Variants in APLF observed in about 807,000 individuals in gnomAD.
The protein encoded by APLF is aprataxin and PNK-like factor.
Under a neutral mutation model 55.6 loss-of-function variants are expected in APLF, and 61 were observed. That is an observed-to-expected ratio of 1.10 (90% confidence interval 0.89 to 1.36). The LOEUF (loss-of-function observed/expected upper bound fraction) is 1.36, where lower values mean the gene tolerates loss of function less well. Among genes scored for constraint, APLF ranks in the 40% most tolerant of loss-of-function variants. APLF has a pLI of 0.00. For synonymous variants in APLF, 207 were observed against 214.8 expected, an observed-to-expected ratio of 0.96 and a Z score of 0.32; for missense variants, 611 against 602.5, an observed-to-expected ratio of 1.01 and a Z score of -0.15.
intron 1 of APLF, among the ~76,000 whole-genome samples, chr2:68,486,624 T>C (rs1676182973): frequency 6.6e-6 from 1 of 152,152 alleles, no homozygotes; most frequent in Admixed American, 6.5e-5. Flanking sequence ...TCATCTCTCT[T>C]ACATGTAAGT....
intron 3 of APLF, among the ~76,000 whole-genome samples, chr2:68,505,635 C>A (rs1391282521): frequency 1.3e-5 from 2 of 151,902 alleles, no homozygotes. Flanking sequence ...ATTACAAGTG[C>A]TATATTACAG....
At chr2:68,532,764 T>A (rs1650654542) in intron 6 of APLF, among the ~76,000 whole-genome samples, 1 of 152,208 alleles carries the variant, frequency 6.6e-6, no homozygotes, top group African/African-American at 2.4e-5. Flanking sequence ...CTTGAATTGA[T>A]TAACTTTAGT....
At chr2:68,547,062 A>T (rs995166333) in intron 8 of APLF, among the ~76,000 whole-genome samples, 1 of 151,856 alleles carries the variant, frequency 6.6e-6, no homozygotes, top group Non-Finnish European at 1.5e-5. Context: ...ACAAAAATCA[A>T]TATATAAAAC....
intron 3 of APLF, among the ~76,000 whole-genome samples, chr2:68,503,701 C>G (rs890466655): frequency 2.6e-5 from 4 of 152,040 alleles, no homozygotes; most frequent in Admixed American, 1.3e-4. Flanking sequence ...TGAGATGCAG[C>G]TAAATTAGCC....
intron 8 of APLF, among the ~76,000 whole-genome samples, chr2:68,558,774 C>A (rs1395817451): frequency 6.6e-6 from 1 of 152,138 alleles, no homozygotes; most frequent in African/African-American, 2.4e-5. Flanking sequence ...AGCTATTCTT[C>A]CTGATGCTCT....
At chr2:68,490,033 G>C (rs1676309958) in intron 1 of APLF, among the ~76,000 whole-genome samples, 157 bp from the exon 2 acceptor site, 1 of 151,756 alleles carries the variant, frequency 6.6e-6, no homozygotes, top group Admixed American at 6.6e-5. Flanking sequence ...TGTTAAATGA[G>C]GACAATCATT....
rs386390398 is a variant in APLF, at chr2:68,525,742, C to CTTTTTTTTTTT, written c.623-304_623-294dup. Among the ~76,000 whole-genome samples, 248 of 82,004 alleles carry CTTTTTTTTTTT rather than the reference C, an allele frequency of 3.0e-3. 32 individuals carry two copies. The highest frequency in any genetic ancestry group is 0.014 in the African/African-American group (229 of 16,160). The allele number at this position is 82,004 out of a possible 152,430, so 53.8% of individuals were successfully genotyped here. The stretch of plus-strand genomic sequence containing the variant: ...TTTATCCTTTTTATTTTCTTTCTTT[C>CTTTTTTTTTTT]TTTTTTTTTTTTTTTTTTTTTTTTT... On this transcript the variant is annotated intron_variant, in intron 5 of 9. Coordinates refer to ENST00000303795, the MANE Select transcript of APLF (RefSeq NM_173545.3).
rs563636608 is a variant in APLF at position 68,560,496 on chromosome 2, T to A, written c.1287-6845T>A. Among the ~76,000 whole-genome samples, 137 of 152,286 alleles carry A rather than the reference T, an allele frequency of 9.0e-4. 1 individual carries two copies. Among genetic ancestry groups the A allele is most frequent in the Non-Finnish European group, 1.4e-3 (93 of 68,004 alleles). On this transcript the variant is annotated intron_variant, in intron 8 of 9. Transcript: ENST00000303795. ...AACTTTGTCATAATGGAAAAATTTA[T>A]AAACTACTATGTTCCTTACAGTATT...
At position 68,476,182 on chromosome 2, in the gene APLF, T is replaced by G. The variant is rs572404931; in HGVS notation, c.96+8355T>G. On this transcript the variant is annotated intron_variant, in intron 1 of 9. Transcript: ENST00000303795. Reference sequence around the variant, plus strand: ...TGTGTGTATTATGCTCTTTCCCAATTTTGCAAGATTATATACTCAATGTAG... The same window carrying G: ...TGTGTGTATTATGCTCTTTCCCAATGTTGCAAGATTATATACTCAATGTAG... Among the ~76,000 whole-genome samples the G allele has an allele frequency of 3.3e-5, 5 of 152,050 alleles. No homozygotes were observed. The South Asian group carries it at 1.0e-3, about 32-fold the overall frequency.
intron 5 of APLF, among the ~76,000 whole-genome samples, chr2:68,517,454 ATATT>A (rs1187539199): frequency 4.3e-5 from 6 of 138,596 alleles, no homozygotes; most frequent in African/African-American, 1.6e-4. Flanking sequence ...TTATTACTAT[ATATT>A]AATATATCAA....
At chr2:68,554,256 G>A (rs1233695899) in intron 8 of APLF, among the ~76,000 whole-genome samples, 1 of 151,918 alleles carries the variant, frequency 6.6e-6, no homozygotes, top group Non-Finnish European at 1.5e-5. Flanking sequence ...GATTACCACA[G>A]CCCTGCTAAT....
At position 68,472,409 on chromosome 2, in the gene APLF, A is replaced by AT. The variant is rs375164993; in HGVS notation, c.96+4582_96+4583insT. Among the ~76,000 whole-genome samples, 239 of 152,346 alleles carry AT rather than the reference A, an allele frequency of 1.6e-3. 2 individuals are homozygous for AT. Among genetic ancestry groups the AT allele is most frequent in the Non-Finnish European group, 2.7e-3 (183 of 68,038 alleles). ...TTGTTATGCCTGAGTCAGACTGGAA[A>AT]GTAAGTCACGTTATACAGGGTTAAA... On this transcript the variant is annotated intron_variant, in intron 1 of 9. Coordinates refer to ENST00000303795, the MANE Select transcript of APLF (RefSeq NM_173545.3).
intron 5 of APLF, among the ~76,000 whole-genome samples, chr2:68,519,062 A>G (rs1222042036): frequency 7.8e-6 from 1 of 127,430 alleles, no homozygotes; most frequent in East Asian, 2.1e-4. Context: ...TATATAATTA[A>G]TATATAATAA....
chr2:68,563,980 G>C (rs553441980), intron 8 of APLF, among the ~76,000 whole-genome samples: 1 of 152,038 alleles, frequency 6.6e-6, no homozygotes, highest in East Asian at 1.9e-4. Context: ...TTTAAAGTAG[G>C]TATGAAATTT....
chr2:68,506,441 C>T (rs888405694), intron 3 of APLF, among the ~76,000 whole-genome samples: 2 of 151,752 alleles, frequency 1.3e-5, no homozygotes, highest in Non-Finnish European at 2.9e-5. Flanking sequence ...TTCTTGATAT[C>T]GTTGGGGTTT....
intron 3 of APLF, among the ~76,000 whole-genome samples, chr2:68,504,256 T>C (rs186971937): frequency 1.3e-5 from 2 of 152,110 alleles, no homozygotes. Flanking sequence ...GCCAATATTA[T>C]TCTTTTTTCT....
chr2:68,497,999 T>G (rs1024133400), intron 2 of APLF, among the ~76,000 whole-genome samples: 8 of 146,604 alleles, frequency 5.5e-5, no homozygotes, highest in African/African-American at 2.2e-4. Flanking sequence ...AATAGATTGA[T>G]GTATTTATTC....
intron 5 of APLF, among the ~76,000 whole-genome samples, chr2:68,519,877 T>G (rs1669845024): frequency 6.6e-6 from 1 of 151,712 alleles, no homozygotes; most frequent in Non-Finnish European, 1.5e-5. Context: ...TTTTAGTTGT[T>G]TAAGGAATCT....
At chr2:68,549,365 G>A (rs770235614) in intron 8 of APLF, among the ~76,000 whole-genome samples, 29 of 152,044 alleles carry the variant, frequency 1.9e-4, no homozygotes, top group African/African-American at 6.7e-4. Flanking sequence ...AAGTTGCCTG[G>A]TCCTTTGAAT....
Sources: allele counts gnomAD v4.1 joint callset (sites outside exome capture counted in the v4.1 genomes callset), GRCh38; gene constraint gnomAD v4.1.1; transcripts MANE v1.5; gene names NCBI Gene and HGNC (gene_info 2026-07-23, HGNC 2026-07-21).